PLD5: variants seen among roughly 807,000 people sequenced by gnomAD.
PLD5 encodes phospholipase D family member 5.
PLD5 carries 36 observed loss-of-function variants against 61.1 expected under a neutral mutation model. The ratio of observed to expected loss-of-function variants is 0.59; its 90% CI spans 0.45 to 0.78. The LOEUF (loss-of-function observed/expected upper bound fraction) is 0.78. PLD5 is among the 30% of genes least tolerant of loss of function. The pLI is 0.00. For missense variants in PLD5, 515 were observed against 644.4 expected, an observed-to-expected ratio of 0.80 and a Z score of 2.17; for synonymous variants, 243 against 242.8, an observed-to-expected ratio of 1.00 and a Z score of -0.01.
At chr1:242,327,500 T>C (rs1658874036) in intron 2 of PLD5, among the ~76,000 whole-genome samples, 1 of 152,178 alleles carries the variant, frequency 6.6e-6, no homozygotes, top group South Asian at 2.1e-4. Flanking sequence ...GCTGAACAGC[T>C]CCTCATTATT....
chr1:242,252,597 G>A (rs1308005289), intron 4 of PLD5, among the ~76,000 whole-genome samples: 4 of 152,052 alleles, frequency 2.6e-5, no homozygotes, highest in Admixed American at 2.6e-4. Context: ...ACACGTGGAT[G>A]TGTGAACATA....
At chr1:242,190,565 G>T (rs370705017) in intron 5 of PLD5, among the ~76,000 whole-genome samples, 1 of 151,862 alleles carries the variant, frequency 6.6e-6, no homozygotes, top group African/African-American at 2.4e-5. Context: ...ATGGGCCCTC[G>T]ATGGAAACTT....
chr1:242,146,168 G>A (rs1444202275), intron 5 of PLD5, among the ~76,000 whole-genome samples: 5 of 152,082 alleles, frequency 3.3e-5, no homozygotes, highest in African/African-American at 1.2e-4. Context: ...GCCAAGAAGG[G>A]AAAGTGAGTT....
intron 1 of PLD5, among the ~76,000 whole-genome samples, chr1:242,482,894 G>A (rs1336094646): frequency 6.6e-6 from 1 of 152,124 alleles, no homozygotes. Context: ...AGAGAGTGGG[G>A]GCCAATATTC....
At chr1:242,363,739 C>T (rs1172385029) in intron 1 of PLD5, among the ~76,000 whole-genome samples, 1 of 151,942 alleles carries the variant, frequency 6.6e-6, no homozygotes, top group African/African-American at 2.4e-5. Context: ...TATACTGTAA[C>T]TATATTCTAT....
intron 3 of PLD5, among the ~76,000 whole-genome samples, chr1:242,286,845 C>T (rs1675054327): frequency 6.6e-6 from 1 of 152,160 alleles, no homozygotes; most frequent in Non-Finnish European, 1.5e-5. Flanking sequence ...TGATCTCTGG[C>T]TTCCTTCCAG....
Position 242,171,319 on chromosome 1 carries a change from A to C in PLD5, c.736-46654T>G, listed in dbSNP as rs1574445312. ...AACTGAAGGAGAAATAAAATCCTTT[A>C]CAGACAAGCAAATGCTGAGAGATTT... On this transcript the variant is annotated intron_variant, in intron 5 of 9. Coordinates refer to ENST00000536534, the MANE Select transcript of PLD5 (RefSeq NM_001372062.1). 2.0e-5 allele frequency among the ~76,000 whole-genome samples: 3 copies of C among 152,322 alleles called. No individual in the cohort carries two copies. In the South Asian group the frequency reaches 6.2e-4, roughly 32 times the overall value.
chr1:242,225,485 C>A (rs990120674), intron 4 of PLD5, among the ~76,000 whole-genome samples: 8 of 150,182 alleles, frequency 5.3e-5, no homozygotes, highest in African/African-American at 2.0e-4. Flanking sequence ...ACACATAACG[C>A]ATGTGAGACC....
At chr1:242,457,678 A>G (rs1415236989) in intron 1 of PLD5, among the ~76,000 whole-genome samples, 1 of 152,124 alleles carries the variant, frequency 6.6e-6, no homozygotes, top group African/African-American at 2.4e-5. Context: ...AAAAGAAGAA[A>G]ATGACCACGC....
chr1:242,233,934 G>T (rs1671474299), intron 4 of PLD5, among the ~76,000 whole-genome samples: 1 of 152,140 alleles, frequency 6.6e-6, no homozygotes, highest in African/African-American at 2.4e-5. Context: ...AAATATGCTA[G>T]AAGAACAATC....
chr1:242,160,553 G>C (rs1317006885), intron 5 of PLD5, among the ~76,000 whole-genome samples: 2 of 152,112 alleles, frequency 1.3e-5, no homozygotes, highest in Non-Finnish European at 2.9e-5. Flanking sequence ...ATGTTATTGA[G>C]CCTTTCATGA....
chr1:242,384,444 A>C (rs1018720646), intron 1 of PLD5, among the ~76,000 whole-genome samples: 1 of 152,220 alleles, frequency 6.6e-6, no homozygotes, highest in Non-Finnish European at 1.5e-5. Flanking sequence ...TCATAGTCAC[A>C]TCAAATTTCG....
intron 1 of PLD5, among the ~76,000 whole-genome samples, chr1:242,521,655 G>C (rs1669283980): frequency 6.6e-6 from 1 of 152,146 alleles, no homozygotes; most frequent in Non-Finnish European, 1.5e-5. Context: ...ATAAAAAAGT[G>C]GCCATCCATT....
At chr1:242,366,618 T>C (rs1265081394) in intron 1 of PLD5, among the ~76,000 whole-genome samples, 2 of 152,176 alleles carry the variant, frequency 1.3e-5, no homozygotes, top group African/African-American at 4.8e-5. Flanking sequence ...TAAATTACCA[T>C]TTGTAATTGG....
chr1:242,318,602 C>T (rs1658176427), intron 2 of PLD5, among the ~76,000 whole-genome samples: 1 of 152,040 alleles, frequency 6.6e-6, no homozygotes, highest in Admixed American at 6.6e-5. Context: ...AGGGAAATGT[C>T]AAGTGTGCTG....
intron 9 of PLD5, among the ~76,000 whole-genome samples, chr1:242,096,965 T>G (rs1265599100): frequency 6.6e-6 from 1 of 151,578 alleles, no homozygotes; most frequent in African/African-American, 2.4e-5. Context: ...TGTTCTCATT[T>G]TTCAATTCCC....
chr1:242,106,108 G>A lies in PLD5; in HGVS notation c.1239+1563C>T, dbSNP rs73130717. 8.8e-3 allele frequency among the ~76,000 whole-genome samples: 1,336 copies of A among 152,270 alleles called. 24 individuals carry two copies. The highest frequency in any genetic ancestry group is 0.028 in the African/African-American group (1,177 of 41,556). ...TGCCCAGAAGAGTTTTATAATTGCT[G>A]TGGACCAGGAACTGCCATGGGCCTC... On this transcript the variant is annotated intron_variant, in intron 8 of 9. Coordinates refer to ENST00000536534, the MANE Select transcript of PLD5 (RefSeq NM_001372062.1).
chr1:242,105,325 G>A (rs773822010), intron 8 of PLD5, among the ~76,000 whole-genome samples: 17 of 152,102 alleles, frequency 1.1e-4, no homozygotes, highest in Non-Finnish European at 2.1e-4. Context: ...CCAGGTTCAG[G>A]TAATGCTTGT....
intron 7 of PLD5, among the ~76,000 whole-genome samples, chr1:242,111,865 T>C (rs1574316762): frequency 6.6e-6 from 1 of 152,178 alleles, no homozygotes; most frequent in African/African-American, 2.4e-5. Flanking sequence ...AAATGGTAGA[T>C]TATAACCAAA....
Sources: allele counts gnomAD v4.1 joint callset (sites outside exome capture counted in the v4.1 genomes callset), GRCh38; gene constraint gnomAD v4.1.1; transcripts MANE v1.5; gene names NCBI Gene and HGNC (gene_info 2026-07-23, HGNC 2026-07-21).